Variants in GNAL observed in about 807,000 individuals in gnomAD.
GNAL encodes the protein guanine nucleotide-binding protein G(olf) subunit alpha.
In GNAL, 18 loss-of-function variants were observed where a neutral mutation model predicts 55.1. The ratio of observed to expected loss-of-function variants is 0.33; its 90% CI spans 0.23 to 0.48. The LOEUF (loss-of-function observed/expected upper bound fraction) is 0.48. Ranked by LOEUF, GNAL falls within the 20% of genes least tolerant of loss-of-function variation. The pLI, the probability that GNAL is intolerant of heterozygous loss-of-function variation, is 0.99. For missense variants in GNAL, 412 were observed against 614.1 expected (o/e 0.67, Z 3.48); for synonymous variants, 253 against 237.0 (o/e 1.07, Z -0.62).
At chr18:11,878,527 G>A (rs1211894565) in intron 11 of GNAL, among the ~76,000 whole-genome samples, 3 of 152,182 alleles carry the variant, frequency 2.0e-5, no homozygotes, top group Admixed American at 6.5e-5. Flanking sequence ...TAAAGCTCTA[G>A]ACAGGGACAA....
At chr18:11,696,878 C>T (rs1303773233) in intron 1 of GNAL, among the ~76,000 whole-genome samples, 1 of 151,962 alleles carries the variant, frequency 6.6e-6, no homozygotes, top group Non-Finnish European at 1.5e-5. Flanking sequence ...ATCCTGTGAC[C>T]CACTAAAAGA....
intron 5 of GNAL, chr18:11,851,292 C>G (rs2035855221): frequency 1.9e-6 from 1 of 535,132 alleles, no homozygotes. Flanking sequence ...CATGCGCAGC[C>G]CCTGGCGTCT....
chr18:11,880,962 G>A (rs758319152), intron 11 of GNAL, 27 bp from the exon 12 acceptor site: 128 of 1,609,644 alleles, frequency 8.0e-5, no homozygotes, highest in Non-Finnish European at 9.9e-5. Flanking sequence ...GGCCGCGCAG[G>A]GCTAGTGCAC....
chr18:11,763,692 C>T (rs1272500141), intron 4 of GNAL, among the ~76,000 whole-genome samples: 1 of 152,092 alleles, frequency 6.6e-6, no homozygotes, highest in African/African-American at 2.4e-5. Context: ...ATCAACAAAC[C>T]TTACTCAGAT....
At position 11,884,537 on chromosome 18, in the gene GNAL, A is replaced by G. The variant is rs752415104; in HGVS notation, c.*3402A>G. 13 of 1,613,984 alleles carry G rather than the reference A, an allele frequency of 8.1e-6. No individual in the cohort carries two copies. The Admixed American group carries it at 1.7e-4, about 21-fold the overall frequency. ...TGAGTGAGTGTGAGGACCACAAGGA[A>G]GCCCACCACTCCACAGTAGATGATC... On this transcript the variant is annotated 3_prime_UTR_variant, in exon 12 of 12. Transcript: ENST00000334049.
chr18:11,743,218 T>C (rs1375135133), intron 1 of GNAL, among the ~76,000 whole-genome samples: 2 of 151,892 alleles, frequency 1.3e-5, no homozygotes, highest in Non-Finnish European at 1.5e-5. Context: ...AGATGAGGTG[T>C]TGGCGCTAGG....
chr18:11,696,268 C>T (rs1233716389), intron 1 of GNAL, among the ~76,000 whole-genome samples: 7 of 152,080 alleles, frequency 4.6e-5, no homozygotes, highest in East Asian at 1.9e-4. Context: ...TTTGGGAGGC[C>T]GAGGCGGGTG....
intron 4 of GNAL, among the ~76,000 whole-genome samples, chr18:11,806,121 T>C (rs569348074): frequency 2.4e-4 from 37 of 152,350 alleles, no homozygotes; most frequent in African/African-American, 8.4e-4. Context: ...TTTTTTCATA[T>C]GCTTGTTGGC....
intron 4 of GNAL, among the ~76,000 whole-genome samples, chr18:11,815,472 C>T (rs868300704): frequency 6.6e-6 from 1 of 152,206 alleles, no homozygotes; most frequent in Middle Eastern, 3.4e-3. Context: ...TCTTACCTGG[C>T]CACAGCAGGA....
chr18:11,701,774 TGAA>T (rs2031578029), intron 1 of GNAL, among the ~76,000 whole-genome samples: 1 of 151,946 alleles, frequency 6.6e-6, no homozygotes, highest in Non-Finnish European at 1.5e-5. Flanking sequence ...TTCAAGAAGA[TGAA>T]GAAAGTTTGA....
In GNAL at chr18:11,751,394, G is replaced by A. The variant is rs908841878; in HGVS notation, c.377-1459G>A. On this transcript the variant is annotated intron_variant, in intron 1 of 11. Transcript: ENST00000334049. The surrounding 1 kb of genome is among the most constrained non-coding windows in gnomAD (Gnocchi z 4.5). ...TCTGGAAGAGTTGTTGTGCTGCTTG[G>A]GAGCACTGCACAGGAGAAACGGGGG... 1 of 461,190 alleles carries A rather than the reference G, an allele frequency of 2.2e-6. No homozygotes were observed. The highest frequency in any genetic ancestry group is 2.1e-5 in the African/African-American group (1 of 47,222). The allele number at this position is 461,190 out of a possible 1,614,324, so 28.6% of individuals were successfully genotyped here.
chr18:11,867,270 A>G (rs756467981), intron 8 of GNAL, 44 bp downstream of exon 8: 14 of 1,102,362 alleles, frequency 1.3e-5, no homozygotes, highest in Non-Finnish European at 1.8e-5. Flanking sequence ...GTGAATTCTA[A>G]CACTCAGCAC....
chr18:11,815,777 A>C (rs768944617), intron 4 of GNAL, among the ~76,000 whole-genome samples: 9 of 152,248 alleles, frequency 5.9e-5, no homozygotes, highest in Non-Finnish European at 1.3e-4. Flanking sequence ...TATAGCTGAT[A>C]AAGGATTTTA....
In GNAL at chr18:11,689,726, C is replaced by G. The variant is rs1040980055; in HGVS notation, c.163C>G (p.Arg55Gly). ...ARDTARTLLP[R>G]GGEGSPACAR... ...GGACACGGCCCGGACCCTGCTCCCT[C>G]GGGGCGGCGAAGGGAGCCCGGCATG... Residue 55 changes from arginine (R) to glycine (G), a missense_variant, in exon 1 of 12, where the codon CGG becomes GGG. By Grantham distance (125) the Arg-to-Gly change is moderately radical. Transcript: ENST00000334049. The G allele has an allele frequency of 6.7e-7, 1 of 1,498,742 alleles. No homozygotes were observed. The allele number at this position is 1,498,742 out of a possible 1,614,324, so 92.8% of individuals were successfully genotyped here. A position where few individuals can be genotyped will look rare whatever the true frequency, so the allele number is the denominator to read the frequency against.
At chr18:11,692,894 A>G (rs1350403080) in intron 1 of GNAL, among the ~76,000 whole-genome samples, 1 of 152,186 alleles carries the variant, frequency 6.6e-6, no homozygotes, top group Admixed American at 6.5e-5. Flanking sequence ...TGACCCACCC[A>G]CGTCAGCATC....
chr18:11,756,130 G>A (rs914988006), intron 4 of GNAL, among the ~76,000 whole-genome samples: 5 of 151,984 alleles, frequency 3.3e-5, no homozygotes, highest in African/African-American at 4.8e-5. Flanking sequence ...ACAGTCTCAC[G>A]GTTGATGAGG....
At position 11,753,955 on chromosome 18, in the gene GNAL, G is replaced by A. The variant is rs2032949008; in HGVS notation, c.624+10G>A. On this transcript the variant is annotated intron_variant, in intron 4 of 11. Transcript: ENST00000334049. ...CTTTGAATATTCCCAGGTAAGAAAT[G>A]CTTACTGAAATATTCTAACTAGTGA... 1 of 1,593,086 alleles carries A rather than the reference G, an allele frequency of 6.3e-7. No homozygotes were observed. The highest frequency in any genetic ancestry group is 1.7e-5 in the Admixed American group (1 of 59,360).
Position 11,689,437 on chromosome 18 carries a change from G to T in GNAL, c.-127G>T. ...GCTGGCGGCCGGCAGCGCCGAACAGGGTCCGGGTGCAGCCCCCTCCCGCCC... is the reference window on the plus strand; with the variant it reads ...GCTGGCGGCCGGCAGCGCCGAACAGTGTCCGGGTGCAGCCCCCTCCCGCCC... On this transcript the variant is annotated 5_prime_UTR_variant, in exon 1 of 12. Coordinates refer to ENST00000334049, the MANE Select transcript of GNAL (RefSeq NM_182978.4). 5.0e-6 allele frequency: 2 copies of T among 399,686 alleles called. No homozygotes were observed. Among genetic ancestry groups the T allele is most frequent in the Non-Finnish European group, 8.5e-6 (2 of 236,084 alleles). The allele number at this position is 399,686 out of a possible 1,614,324, so 24.8% of individuals were successfully genotyped here. A position where few individuals can be genotyped will look rare whatever the true frequency, so the allele number is the denominator to read the frequency against.
intron 10 of GNAL, among the ~76,000 whole-genome samples, chr18:11,875,347 G>A (rs191281575): frequency 6.6e-6 from 1 of 152,294 alleles, no homozygotes; most frequent in Non-Finnish European, 1.5e-5. Context: ...TCTTGCTTGC[G>A]CTGCTGTAAC....
Sources: gnomAD v4.1 joint callset for allele counts (sites outside exome capture counted in the v4.1 genomes callset) on GRCh38, gnomAD v4.1.1 for gene constraint, Gnocchi (gnomAD v3.1) non-coding constraint, MANE v1.5 for transcripts, NCBI Gene and HGNC (gene_info 2026-07-23, HGNC 2026-07-21) for gene names.